RSU1: variants seen among roughly 807,000 people sequenced by gnomAD.
RSU1 encodes Ras suppressor protein 1.
RSU1 carries 26 observed loss-of-function variants against 31.1 expected under a neutral mutation model. The observed-to-expected ratio is 0.84, with a 90% CI of 0.61 to 1.16. The LOEUF is 1.16. Among genes scored for constraint, RSU1 ranks in the 50% most tolerant of loss-of-function variants. The probability of loss-of-function intolerance (pLI) is 0.00; values close to 1 mark genes in which losing one functional copy is unlikely to be tolerated. For missense variants in RSU1, 320 were observed against 339.1 expected, an observed-to-expected ratio of 0.94 and a Z score of 0.44; for synonymous variants, 164 against 136.3, an observed-to-expected ratio of 1.20 and a Z score of -1.41.
In RSU1 at chr10:16,644,263, A is replaced by C. The variant is rs560767773; in HGVS notation, c.731+50760T>G. On this transcript the variant is annotated intron_variant, in intron 8 of 8. Coordinates refer to ENST00000345264, the MANE Select transcript of RSU1 (RefSeq NM_012425.4). Reference sequence around the variant, plus strand: ...TGCTCCCCAATGAAAATGACTTACAAATTATATAGGAAGTTCATGTTTTCA... The same window carrying C: ...TGCTCCCCAATGAAAATGACTTACACATTATATAGGAAGTTCATGTTTTCA... Among the ~76,000 whole-genome samples, 16 of 152,286 alleles carry C rather than the reference A, an allele frequency of 1.1e-4. 1 individual carries two copies. The South Asian group carries it at 3.1e-3, about 30-fold the overall frequency.
At chr10:16,682,780 A>C (rs1005930115) in intron 8 of RSU1, among the ~76,000 whole-genome samples, 1 of 151,974 alleles carries the variant, frequency 6.6e-6, no homozygotes, top group African/African-American at 2.4e-5. Context: ...TCCTGTAACA[A>C]AACTCCAAGA....
intron 8 of RSU1, among the ~76,000 whole-genome samples, chr10:16,627,925 T>C (rs1367824840): frequency 2.0e-5 from 3 of 152,172 alleles, no homozygotes; most frequent in Admixed American, 1.3e-4. Flanking sequence ...TAACTGCTAG[T>C]AGAAAATGAA....
intron 7 of RSU1, among the ~76,000 whole-genome samples, chr10:16,733,878 C>A (rs1471298178): frequency 6.6e-6 from 1 of 152,192 alleles, no homozygotes; most frequent in African/African-American, 2.4e-5. Flanking sequence ...AACTTTTCTG[C>A]ATTCTCTTAT....
intron 7 of RSU1, among the ~76,000 whole-genome samples, chr10:16,728,723 G>A (rs1011279972): frequency 3.3e-5 from 5 of 152,234 alleles, no homozygotes; most frequent in Non-Finnish European, 7.3e-5. Context: ...TATAATTGCA[G>A]TGGTGCTTAT....
At chr10:16,596,815 C>T (rs1833622181) in intron 8 of RSU1, among the ~76,000 whole-genome samples, 1 of 152,180 alleles carries the variant, frequency 6.6e-6, no homozygotes, top group South Asian at 2.1e-4. Flanking sequence ...TTCTGCCTCC[C>T]GAGTTCAAGT....
At position 16,745,467 on chromosome 10, in the gene RSU1, G is replaced by A. The variant is rs559696326; in HGVS notation, c.598+7072C>T. Among the ~76,000 whole-genome samples the A allele has an allele frequency of 7.2e-5, 11 of 152,252 alleles. No homozygotes were observed. In the South Asian group the frequency reaches 1.0e-3, roughly 14 times the overall value. ...GGTTTAACTGGACTTATAGTTCCACGAGGCTGGGGAGGCCTCACAATCATG... is the reference window on the plus strand; with the variant it reads ...GGTTTAACTGGACTTATAGTTCCACAAGGCTGGGGAGGCCTCACAATCATG... On this transcript the variant is annotated intron_variant, in intron 7 of 8. Coordinates refer to ENST00000345264, the MANE Select transcript of RSU1 (RefSeq NM_012425.4).
intron 8 of RSU1, among the ~76,000 whole-genome samples, chr10:16,669,696 G>A (rs933806490): frequency 1.3e-5 from 2 of 152,122 alleles, no homozygotes; most frequent in East Asian, 1.9e-4. Flanking sequence ...TTCTGTTCCT[G>A]TGTTAGTTTG....
intron 8 of RSU1, among the ~76,000 whole-genome samples, chr10:16,679,236 TG>T (rs1835284501): frequency 6.6e-6 from 1 of 152,116 alleles, no homozygotes; most frequent in South Asian, 2.1e-4. Context: ...TATAAGACAC[TG>T]GGGATGTCAT....
chr10:16,659,495 C>G (rs1469482226), intron 8 of RSU1, among the ~76,000 whole-genome samples: 1 of 152,036 alleles, frequency 6.6e-6, no homozygotes, highest in Non-Finnish European at 1.5e-5. Flanking sequence ...TTGATTAGTT[C>G]AGTCTCTCCC....
intron 7 of RSU1, chr10:16,722,963 T>C (rs546367531): frequency 6.6e-5 from 10 of 150,574 alleles, no homozygotes; most frequent in East Asian, 1.9e-4. Context: ...TACACACATA[T>C]ACATATATGT....
chr10:16,781,368 T>C (rs1837645342), intron 3 of RSU1, among the ~76,000 whole-genome samples: 1 of 152,194 alleles, frequency 6.6e-6, no homozygotes, highest in African/African-American at 2.4e-5. Context: ...AATTTTTCTT[T>C]TGGGGAAGCC....
chr10:16,728,848 G>C (rs1249682665), intron 7 of RSU1, among the ~76,000 whole-genome samples: 1 of 152,210 alleles, frequency 6.6e-6, no homozygotes, highest in Non-Finnish European at 1.5e-5. Context: ...AAGGAATGCA[G>C]GCACTCACTA....
At chr10:16,632,181 C>CA (rs1352370530) in intron 8 of RSU1, among the ~76,000 whole-genome samples, 2 of 151,746 alleles carry the variant, frequency 1.3e-5, no homozygotes, top group East Asian at 1.9e-4. Context: ...CATGTTTTTT[C>CA]AAAAAAAATA....
intron 4 of RSU1, among the ~76,000 whole-genome samples, chr10:16,763,406 G>T (rs1173299248): frequency 6.6e-6 from 1 of 152,172 alleles, no homozygotes; most frequent in Non-Finnish European, 1.5e-5. Flanking sequence ...TACATGGCAG[G>T]AGCAAGACAG....
intron 2 of RSU1, among the ~76,000 whole-genome samples, chr10:16,795,353 C>CAAAAAAAAA: frequency 4.0e-5 from 3 of 75,240 alleles, no homozygotes; most frequent in Non-Finnish European, 8.2e-5. Flanking sequence ...GACTCCATCT[C>CAAAAAAAAA]AAAAAAAAAA....
chr10:16,694,023 A>G (rs181675213), intron 8 of RSU1, among the ~76,000 whole-genome samples: 1 of 152,248 alleles, frequency 6.6e-6, no homozygotes, highest in East Asian at 1.9e-4. Flanking sequence ...GATAAATGAC[A>G]GTTTGTTTTG....
chr10:16,650,347 C>G (rs896767760), intron 8 of RSU1, among the ~76,000 whole-genome samples: 1 of 152,106 alleles, frequency 6.6e-6, no homozygotes, highest in African/African-American at 2.4e-5. Flanking sequence ...ACACTTCCAA[C>G]AACATTTTTC....
intron 7 of RSU1, among the ~76,000 whole-genome samples, chr10:16,711,233 T>C (rs1006804199): frequency 8.5e-5 from 13 of 152,212 alleles, no homozygotes; most frequent in African/African-American, 2.9e-4. Flanking sequence ...ATTTTCTGTA[T>C]TTCTGTAGTA....
intron 8 of RSU1, among the ~76,000 whole-genome samples, chr10:16,658,262 T>C (rs1032051677): frequency 6.6e-6 from 1 of 152,180 alleles, no homozygotes; most frequent in Non-Finnish European, 1.5e-5. Flanking sequence ...TTCCTTAAGG[T>C]TCTCTTTTGA....
Sources: gnomAD v4.1 joint callset for allele counts (sites outside exome capture counted in the v4.1 genomes callset) on GRCh38, gnomAD v4.1.1 for gene constraint, MANE v1.5 for transcripts, NCBI Gene and HGNC (gene_info 2026-07-23, HGNC 2026-07-21) for gene names.